Variants in RBL1 observed in about 807,000 individuals in gnomAD.
RBL1 encodes RB transcriptional corepressor like 1, also known as retinoblastoma-like protein 1.
RBL1 carries 82 observed loss-of-function variants against 123.0 expected under a neutral mutation model. The observed-to-expected ratio is 0.67, with a 90% CI of 0.56 to 0.80. RBL1 has a LOEUF of 0.80. Ranked by LOEUF, RBL1 falls within the 30% of genes least tolerant of loss-of-function variation. The pLI, the probability that RBL1 is intolerant of heterozygous loss-of-function variation, is 0.00. For synonymous variants in RBL1, 405 were observed against 441.3 expected (o/e 0.92, Z 1.03); for missense variants, 1,171 against 1,299.6 (o/e 0.90, Z 1.52).
At chr20:37,019,783 G>T (rs6130343) in intron 18 of RBL1, among the ~76,000 whole-genome samples, 1 of 152,032 alleles carries the variant, frequency 6.6e-6, no homozygotes, top group South Asian at 2.1e-4. Flanking sequence ...AAACCCTTAA[G>T]GTAATTTACT....
At chr20:37,058,153 G>C (rs76549670) in intron 9 of RBL1, among the ~76,000 whole-genome samples, 1 of 124,470 alleles carries the variant, frequency 8.0e-6, no homozygotes, top group African/African-American at 2.7e-5. Context: ...AAAAAAAAAA[G>C]CCTATTCCAG....
At chr20:37,054,830 A>G (rs1232524728) in intron 11 of RBL1, among the ~76,000 whole-genome samples, 1 of 149,464 alleles carries the variant, frequency 6.7e-6, no homozygotes, top group Admixed American at 6.7e-5. Context: ...ACTCAGTCTA[A>G]AAAAAAAAAA....
chr20:37,035,272 T>C lies in RBL1; in HGVS notation c.2140A>G (p.Thr714Ala), dbSNP rs2064587843. The change falls in exon 15 of 22, where the codon ACA becomes GCA. Residue 714 changes from threonine to alanine, a missense_variant. Transcript: ENST00000373664. ...TMATAPVTGT[T>A]GHKVTIPLHG... is the part of the protein sequence containing the mutation. The stretch of plus-strand genomic sequence containing the variant: ...AATGGAATTGTAACTTTATGTCCTG[T>C]TGTTCCTGTTACTGGGGCTGTGGCC... The C allele has an allele frequency of 1.9e-6, 3 of 1,613,960 alleles. No homozygotes were observed. Among genetic ancestry groups the C allele is most frequent in the Non-Finnish European group, 2.5e-6 (3 of 1,179,820 alleles).
intron 16 of RBL1, among the ~76,000 whole-genome samples, chr20:37,026,268 G>GT (rs2064419684): frequency 6.6e-6 from 1 of 152,152 alleles, no homozygotes; most frequent in African/African-American, 2.4e-5. Flanking sequence ...TAATCCTCAT[G>GT]TTTTATCTTA....
intron 9 of RBL1, 81 bp from the exon 10 acceptor site, chr20:37,056,339 T>C (rs1329188361): frequency 2.4e-6 from 3 of 1,232,892 alleles, no homozygotes; most frequent in Admixed American, 3.5e-5. Context: ...AATACTAACA[T>C]GCCTTCTTCT....
intron 21 of RBL1, among the ~76,000 whole-genome samples, chr20:37,001,196 C>A (rs1379398017): frequency 3.3e-5 from 5 of 151,232 alleles, no homozygotes; most frequent in African/African-American, 1.2e-4. Context: ...GCCGCCCCTG[C>A]CCGGCCGCCC....
At chr20:37,049,400 ACTGG>A (rs1446859111) in intron 11 of RBL1, 2 of 734,708 alleles carry the variant, frequency 2.7e-6, no homozygotes, top group Admixed American at 1.8e-5. Flanking sequence ...CTGGCAAGCA[ACTGG>A]AAGATGTCTG....
chr20:37,094,798 G>T (rs191491156), intron 1 of RBL1, among the ~76,000 whole-genome samples: 315 of 152,292 alleles, frequency 2.1e-3, no homozygotes, highest in Non-Finnish European at 4.1e-3. Context: ...ACCACACCCA[G>T]CTAGTTTTTG....
At chr20:37,068,295 T>C (rs573780092) in intron 2 of RBL1, 109 bp from the exon 3 acceptor site, 2 of 1,413,070 alleles carry the variant, frequency 1.4e-6, no homozygotes, top group South Asian at 1.4e-5. Flanking sequence ...AAAGCCAGAT[T>C]TCCCAGGCAA....
At chr20:37,073,727 A>G (rs2065318353) in intron 2 of RBL1, among the ~76,000 whole-genome samples, 1 of 150,578 alleles carries the variant, frequency 6.6e-6, no homozygotes, top group South Asian at 2.1e-4. Flanking sequence ...AAAAAAGAAT[A>G]CACTACTCAA....
At chr20:36,999,725 C>G (rs537338197) in intron 21 of RBL1, among the ~76,000 whole-genome samples, 3 of 152,240 alleles carry the variant, frequency 2.0e-5, no homozygotes, top group African/African-American at 7.2e-5. Flanking sequence ...AGCTCCTAAC[C>G]GCGAGTGATC....
chr20:37,023,898 C>T lies in RBL1; in HGVS notation c.2383-1072G>A, dbSNP rs764748224. ...GCTCAAGTGATGCTTGTGTCTCAGCCTCCCGAGTAGCTGGGACTACAGGCA... is the reference window on the plus strand; with the variant it reads ...GCTCAAGTGATGCTTGTGTCTCAGCTTCCCGAGTAGCTGGGACTACAGGCA... On this transcript the variant is annotated intron_variant, in intron 16 of 21. Transcript: ENST00000373664. Among the ~76,000 whole-genome samples, 6 of 151,616 alleles carry T rather than the reference C, an allele frequency of 4.0e-5. No individual in the cohort carries two copies. The East Asian group carries it at 7.7e-4, about 20-fold the overall frequency.
chr20:37,083,011 TAA>T (rs2065476475), intron 2 of RBL1, among the ~76,000 whole-genome samples: 1 of 151,988 alleles, frequency 6.6e-6, no homozygotes, highest in African/African-American at 2.4e-5. Context: ...CAAATAATAA[TAA>T]AAGTTAAAAA....
chr20:37,055,590 AC>A lies in RBL1; in HGVS notation c.1429del (p.Val477PhefsTer16), dbSNP rs1365011081. 6.2e-7 allele frequency: 1 copy of A among 1,614,122 alleles called. No homozygotes were observed. The highest frequency in any genetic ancestry group is 1.1e-5 in the South Asian group (1 of 91,072). On this transcript the variant is annotated frameshift_variant, in exon 11 of 22. Coordinates refer to ENST00000373664, the MANE Select transcript of RBL1 (RefSeq NM_002895.5). LOFTEE classifies it high-confidence loss of function. ...TCCATGAAGTCTTCGTGTTTCCTGA[AC>A]CATTACAGTCTCTAGTATTTTATAA... is the stretch of plus-strand genomic sequence containing the variant. ...LYYKILETVM[V>X]QETRRLHGMD...
chr20:36,999,640 C>T (rs1209999296), intron 21 of RBL1, among the ~76,000 whole-genome samples: 9 of 152,024 alleles, frequency 5.9e-5, no homozygotes, highest in African/African-American at 1.9e-4. Flanking sequence ...TGCAGGCACG[C>T]GCCGCCACGC....
intron 2 of RBL1, among the ~76,000 whole-genome samples, chr20:37,073,567 G>T (rs2065314501): frequency 6.6e-6 from 1 of 151,296 alleles, no homozygotes; most frequent in South Asian, 2.1e-4. Flanking sequence ...ACTTGGTAGT[G>T]TGCACCTATA....
chr20:37,043,316 G>A (rs1424104190), intron 13 of RBL1, among the ~76,000 whole-genome samples: 7 of 151,686 alleles, frequency 4.6e-5, no homozygotes, highest in South Asian at 4.2e-4. Context: ...GTGAAACCCC[G>A]TCTCTACTAA....
At chr20:37,007,615 C>T (rs570322091) in intron 19 of RBL1, 56 bp from the exon 20 acceptor site, 17 of 1,562,218 alleles carry the variant, frequency 1.1e-5, no homozygotes, top group African/African-American at 8.1e-5. Flanking sequence ...TTTTTTGAGA[C>T]AGGGTCTCAC....
At chr20:37,075,395 A>G (rs1362275600) in intron 2 of RBL1, among the ~76,000 whole-genome samples, 2 of 152,126 alleles carry the variant, frequency 1.3e-5, no homozygotes, top group East Asian at 3.9e-4. Context: ...ATACCTCCCC[A>G]CAACACTACT....
Sources: allele counts gnomAD v4.1 joint callset (sites outside exome capture counted in the v4.1 genomes callset), GRCh38; gene constraint gnomAD v4.1.1; transcripts MANE v1.5; gene names NCBI Gene and HGNC (gene_info 2026-07-23, HGNC 2026-07-21).